The following FAM135B variants were observed in gnomAD, a reference collection of about 807,000 sequenced individuals.
FAM135B encodes family with sequence similarity 135 member B, also known as protein FAM135B.
In FAM135B, 43 loss-of-function variants were observed where a neutral mutation model predicts 127.7. The ratio of observed to expected loss-of-function variants is 0.34; its 90% CI spans 0.26 to 0.43. FAM135B has a LOEUF of 0.43. FAM135B is among the 20% of genes least tolerant of loss of function. The probability of loss-of-function intolerance (pLI) is 1.00; values close to 1 mark genes in which losing one functional copy is unlikely to be tolerated. For synonymous variants in FAM135B, 670 were observed against 665.1 expected, an observed-to-expected ratio of 1.01 and a Z score of -0.11; for missense variants, 1,558 against 1,725.6, an observed-to-expected ratio of 0.90 and a Z score of 1.72.
rs1820976083 is a variant in FAM135B at position 138,243,168 on chromosome 8, A to G, written c.543-100T>C. The G allele has an allele frequency of 7.1e-7, 1 of 1,414,116 alleles. No homozygotes were observed. Among genetic ancestry groups the G allele is most frequent in the Admixed American group, 2.6e-5 (1 of 39,144 alleles). 87.6% of individuals were successfully genotyped at this position (1,414,116 alleles called of 1,614,324 possible). Reference sequence around the variant, plus strand: ...GGAGTGTTCCTGTGAAGCATTTGGGATAAGTCATTTAGGAGTAGTTCACCC... The same window carrying G: ...GGAGTGTTCCTGTGAAGCATTTGGGGTAAGTCATTTAGGAGTAGTTCACCC... On this transcript the variant is annotated intron_variant, in intron 6 of 19. Transcript: ENST00000395297. This position sits in a 1 kb window ranked among gnomAD's most constrained non-coding sequence, Gnocchi z 7.5.
At chr8:138,147,829 A>T (rs1297326102) in intron 14 of FAM135B, among the ~76,000 whole-genome samples, 3 of 152,238 alleles carry the variant, frequency 2.0e-5, no homozygotes, top group Admixed American at 2.0e-4. Flanking sequence ...TAACAAAGTT[A>T]TTGAGAGTCT....
chr8:138,429,147 A>G (rs1835064866), intron 1 of FAM135B, among the ~76,000 whole-genome samples: 1 of 152,158 alleles, frequency 6.6e-6, no homozygotes, highest in African/African-American at 2.4e-5. Context: ...CTAGTTGATG[A>G]GGTCTGGGAA....
At chr8:138,349,775 G>A (rs530582621) in intron 2 of FAM135B, among the ~76,000 whole-genome samples, 84 of 152,256 alleles carry the variant, frequency 5.5e-4, no homozygotes, top group Non-Finnish European at 9.7e-4. Flanking sequence ...AGGCTGAGAT[G>A]AGCAAAGCAG....
intron 12 of FAM135B, among the ~76,000 whole-genome samples, chr8:138,162,810 G>A (rs1248118661): frequency 6.6e-6 from 1 of 152,128 alleles, no homozygotes; most frequent in African/African-American, 2.4e-5. Context: ...GGTATGGGGT[G>A]TATGACGTCA....
chr8:138,438,477 G>A (rs1284314126), intron 1 of FAM135B: 1 of 152,086 alleles, frequency 6.6e-6, no homozygotes, highest in Admixed American at 6.6e-5. Context: ...TTGCACTTCT[G>A]AGCTCTATCA....
At chr8:138,444,602 A>G (rs1835998696) in intron 1 of FAM135B, among the ~76,000 whole-genome samples, 1 of 152,246 alleles carries the variant, frequency 6.6e-6, no homozygotes, top group South Asian at 2.1e-4. Context: ...TTTGAAACCC[A>G]CGAGAACAAA....
chr8:138,393,460 A>C (rs56180570), intron 1 of FAM135B, among the ~76,000 whole-genome samples: 12,482 of 151,598 alleles, frequency 0.082, 637 homozygotes, highest in African/African-American at 0.14. Flanking sequence ...TTAGTGAAAA[A>C]AAAAAAAAAA....
At chr8:138,448,252 G>A (rs1184041399) in intron 1 of FAM135B, among the ~76,000 whole-genome samples, 2 of 152,124 alleles carry the variant, frequency 1.3e-5, no homozygotes, top group African/African-American at 4.8e-5. Flanking sequence ...GTGTGTTGGG[G>A]AGGGGACTTT....
At chr8:138,441,378 A>G (rs1835753130) in intron 1 of FAM135B, 1 of 152,206 alleles carries the variant, frequency 6.6e-6, no homozygotes, top group African/African-American at 2.4e-5. Flanking sequence ...AAATTTGCAC[A>G]CCCAACAAGT....
intron 8 of FAM135B, among the ~76,000 whole-genome samples, chr8:138,196,450 C>T (rs1352826523): frequency 2.0e-5 from 3 of 152,220 alleles, no homozygotes; most frequent in Non-Finnish European, 4.4e-5. Flanking sequence ...TACTCCTTTA[C>T]TCTACATACC....
chr8:138,361,599 C>A (rs1180263085), intron 2 of FAM135B, among the ~76,000 whole-genome samples: 2 of 152,170 alleles, frequency 1.3e-5, no homozygotes, highest in South Asian at 2.1e-4. Context: ...CTTCCGCAGT[C>A]TAGAAAGTCT....
chr8:138,435,605 T>TATGTATAGTTC (rs1208729839), intron 1 of FAM135B, among the ~76,000 whole-genome samples: 1 of 152,242 alleles, frequency 6.6e-6, no homozygotes, highest in African/African-American at 2.4e-5. Flanking sequence ...TATAAGTAGT[T>TATGTATAGTTC]ATGTATAGTT....
At chr8:138,181,123 C>T (rs1318861470) in intron 9 of FAM135B, among the ~76,000 whole-genome samples, 1 of 151,972 alleles carries the variant, frequency 6.6e-6, no homozygotes, top group Non-Finnish European at 1.5e-5. Flanking sequence ...TGCCTATAGT[C>T]CCAGCTAATC....
chr8:138,497,154 C>A lies in FAM135B; in HGVS notation c.-503G>T, dbSNP rs1394974939. Among the ~76,000 whole-genome samples, 2 of 151,272 alleles carry A rather than the reference C, an allele frequency of 1.3e-5. No individual in the cohort carries two copies. The highest frequency in any genetic ancestry group is 2.9e-5 in the Non-Finnish European group (2 of 67,800). Reference sequence around the variant, plus strand: ...TTCCTCCGCCGGGACGCGGCCAGACCCTCCGCGCCGCGCCGCGCGCCCTCG... The same window carrying A: ...TTCCTCCGCCGGGACGCGGCCAGACACTCCGCGCCGCGCCGCGCGCCCTCG... On this transcript the variant is annotated 5_prime_UTR_variant, in exon 1 of 20. Coordinates refer to ENST00000395297, the MANE Select transcript of FAM135B (RefSeq NM_015912.4).
In FAM135B at chr8:138,141,182, C is replaced by T. The variant is rs2130591407; in HGVS notation, c.3790+16G>A. ...AGATTAATTCTGAGGAATGACGAGT[C>T]CTAGAAGAATCTTACCTGTACTAAC... On this transcript the variant is annotated intron_variant, in intron 17 of 19. Coordinates refer to ENST00000395297, the MANE Select transcript of FAM135B (RefSeq NM_015912.4). The surrounding 1 kb of genome is among the most constrained non-coding windows in gnomAD (Gnocchi z 4.7). 1.2e-6 allele frequency: 2 copies of T among 1,613,446 alleles called. No homozygotes were observed. Among genetic ancestry groups the T allele is most frequent in the East Asian group, 4.5e-5 (2 of 44,878 alleles).
chr8:138,207,737 T>C lies in FAM135B; in HGVS notation c.670-10068A>G, dbSNP rs189340106. 9.2e-5 allele frequency among the ~76,000 whole-genome samples: 14 copies of C among 152,286 alleles called. No individual in the cohort carries two copies. In the East Asian group the frequency reaches 2.5e-3, roughly 27 times the overall value. ...ACCCATTAGCATAATAATCCTGGCC[T>C]TTCTCTGCCCATTTATTGGGCAAAT... On this transcript the variant is annotated intron_variant, in intron 7 of 19. Transcript: ENST00000395297.
At chr8:138,286,678 A>G (rs1261433500) in intron 3 of FAM135B, among the ~76,000 whole-genome samples, 4 of 152,222 alleles carry the variant, frequency 2.6e-5, no homozygotes, top group African/African-American at 9.6e-5. Flanking sequence ...CGTGGGGAAA[A>G]GAGTTGTCCT....
intron 2 of FAM135B, among the ~76,000 whole-genome samples, chr8:138,342,737 C>T (rs943089129): frequency 2.0e-5 from 3 of 152,178 alleles, no homozygotes; most frequent in African/African-American, 4.8e-5. Flanking sequence ...GCTGTACAAC[C>T]GAGTTCAGAT....
chr8:138,238,510 A>G (rs2130312074), intron 7 of FAM135B, among the ~76,000 whole-genome samples: 1 of 152,250 alleles, frequency 6.6e-6, no homozygotes, highest in East Asian at 1.9e-4. Context: ...ACGAGGGGAG[A>G]GGGGCCAGGG....
Sources: allele counts gnomAD v4.1 joint callset (sites outside exome capture counted in the v4.1 genomes callset), GRCh38; gene constraint gnomAD v4.1.1; non-coding constraint Gnocchi (gnomAD v3.1); transcripts MANE v1.5; gene names NCBI Gene and HGNC (gene_info 2026-07-23, HGNC 2026-07-21).